The following TCF4 variants were observed in gnomAD, a reference collection of about 807,000 sequenced individuals.
TCF4 encodes SL3-3 enhancer factor 2.
Under a neutral mutation model 82.1 loss-of-function variants are expected in TCF4, and 3 were observed. That is an observed-to-expected ratio of 0.04 (90% CI 0.02 to 0.09). The LOEUF is 0.09. Among genes scored for constraint, TCF4 ranks in the 10% least tolerant of loss-of-function variants. The probability of loss-of-function intolerance (pLI) is 1.00; values close to 1 mark genes in which losing one functional copy is unlikely to be tolerated. For synonymous variants in TCF4, 276 were observed against 309.6 expected, an observed-to-expected ratio of 0.89 and a Z score of 1.14; for missense variants, 518 against 852.7, an observed-to-expected ratio of 0.61 and a Z score of 4.89.
At chr18:55,414,666 G>T (rs1295505195) in intron 5 of TCF4, among the ~76,000 whole-genome samples, 1 of 152,100 alleles carries the variant, frequency 6.6e-6, no homozygotes, top group Non-Finnish European at 1.5e-5. Flanking sequence ...ACCCAAGGAT[G>T]CTCTCCACCC....
At chr18:55,479,979 C>T (rs1370932998) in intron 3 of TCF4, among the ~76,000 whole-genome samples, 1 of 152,118 alleles carries the variant, frequency 6.6e-6, no homozygotes, top group Non-Finnish European at 1.5e-5. Context: ...GACTTGTTTT[C>T]CCCTCTTAGC....
chr18:55,232,059 C>T (rs960474101), intron 17 of TCF4: 2 of 171,086 alleles, frequency 1.2e-5, no homozygotes, highest in Admixed American at 1.1e-4. Context: ...AGGTATTACT[C>T]TTATATACAT....
chr18:55,601,784 TAAAAA>T (rs2097697310), intron 2 of TCF4, among the ~76,000 whole-genome samples: 1 of 152,002 alleles, frequency 6.6e-6, no homozygotes, highest in East Asian at 1.9e-4. Flanking sequence ...GACTCTGTCT[TAAAAA>T]AGAAAAAAAG....
At chr18:55,597,316 A>G (rs2097692027) in intron 2 of TCF4, among the ~76,000 whole-genome samples, 1 of 152,318 alleles carries the variant, frequency 6.6e-6, no homozygotes, top group East Asian at 1.9e-4. Context: ...AGAGGAGAAA[A>G]GAAAGCTAAT....
chr18:55,418,843 C>A (rs760182187), intron 5 of TCF4, among the ~76,000 whole-genome samples: 1 of 152,094 alleles, frequency 6.6e-6, no homozygotes, highest in Non-Finnish European at 1.5e-5. Context: ...AGAAAAGTAG[C>A]CAAATTCTTT....
intron 2 of TCF4, among the ~76,000 whole-genome samples, chr18:55,623,570 T>G (rs1310103094): frequency 1.3e-5 from 2 of 152,216 alleles, no homozygotes; most frequent in African/African-American, 4.8e-5. Context: ...CTGTTTAATC[T>G]TAGACAGTCT....
At chr18:55,325,350 T>C (rs73490815) in intron 8 of TCF4, among the ~76,000 whole-genome samples, 1 of 152,158 alleles carries the variant, frequency 6.6e-6, no homozygotes, top group Non-Finnish European at 1.5e-5. Flanking sequence ...CGCACATACA[T>C]TAAACAATTA....
chr18:55,284,439 G>A (rs921831994), intron 8 of TCF4: 1 of 151,944 alleles, frequency 6.6e-6, no homozygotes, highest in African/African-American at 2.4e-5. Context: ...AAGAAAAAAA[G>A]ATAATGTCAT....
intron 3 of TCF4, among the ~76,000 whole-genome samples, chr18:55,563,206 TC>T (rs2147355007): frequency 7.9e-6 from 1 of 126,866 alleles, no homozygotes; most frequent in African/African-American, 3.1e-5. Flanking sequence ...ACCACTGCAC[TC>T]CATCCCAGGC....
intron 8 of TCF4, among the ~76,000 whole-genome samples, chr18:55,296,790 T>C (rs770843389): frequency 1.3e-5 from 2 of 152,096 alleles, no homozygotes; most frequent in Non-Finnish European, 2.9e-5. Context: ...ATTTTTGAGC[T>C]CCTAATTGAA....
chr18:55,561,799 CTCAT>C (rs1227627282), intron 3 of TCF4, among the ~76,000 whole-genome samples: 3 of 152,116 alleles, frequency 2.0e-5, no homozygotes, highest in African/African-American at 7.2e-5. Context: ...GAAAACTGTC[CTCAT>C]TCATTGTTTA....
chr18:55,234,285 TTTCCTCTCATCA>T, intron 16 of TCF4: 1 of 576,492 alleles, frequency 1.7e-6, no homozygotes, highest in East Asian at 2.8e-5. Flanking sequence ...TAAAATAAAA[TTTCCTCTCATCA>T]GTCTGTGGCC....
intron 6 of TCF4, among the ~76,000 whole-genome samples, chr18:55,373,375 C>T (rs73492930): frequency 0.03 from 4,571 of 152,152 alleles, 90 homozygotes; most frequent in Non-Finnish European, 0.036. Context: ...ATTTATGATA[C>T]AGCTTTGAGA....
At position 55,574,347 on chromosome 18, in the gene TCF4, CAG is replaced by C. The variant is rs1453823010; in HGVS notation, c.145+10931_145+10932del. Among the ~76,000 whole-genome samples, 6 of 151,866 alleles carry C rather than the reference CAG, an allele frequency of 4.0e-5. No homozygotes were observed. In the South Asian group the frequency reaches 1.0e-3, roughly 26 times the overall value. The stretch of plus-strand genomic sequence containing the variant: ...ATTTTATTTTATTTTATTTTTGAGA[CAG>C]AGTCTTGCTCTGTCGCCAATACTGG... On this transcript the variant is annotated intron_variant, in intron 3 of 19. Transcript: ENST00000354452.
intron 5 of TCF4, among the ~76,000 whole-genome samples, chr18:55,452,951 A>G (rs955445140): frequency 6.6e-6 from 1 of 152,188 alleles, no homozygotes; most frequent in African/African-American, 2.4e-5. Context: ...TTATTACATG[A>G]AAGTTAAGGC....
chr18:55,359,728 C>T (rs564455158), intron 6 of TCF4, among the ~76,000 whole-genome samples: 1 of 152,208 alleles, frequency 6.6e-6, no homozygotes, highest in Admixed American at 6.5e-5. Context: ...ATGCTTCATA[C>T]AAAACATAAA....
intron 8 of TCF4, among the ~76,000 whole-genome samples, chr18:55,286,600 G>A (rs2063745288): frequency 6.6e-6 from 1 of 152,184 alleles, no homozygotes; most frequent in Admixed American, 6.5e-5. Flanking sequence ...AATGGAAGAA[G>A]TAGAGTTGTG....
intron 8 of TCF4, among the ~76,000 whole-genome samples, chr18:55,344,101 C>T (rs553978646): frequency 1.3e-5 from 2 of 152,134 alleles, no homozygotes; most frequent in Non-Finnish European, 2.9e-5. Context: ...AGGATTACTG[C>T]CACATCTTCT....
chr18:55,296,159 G>A (rs2066451776), intron 8 of TCF4, among the ~76,000 whole-genome samples: 1 of 151,024 alleles, frequency 6.6e-6, no homozygotes, highest in Non-Finnish European at 1.5e-5. Context: ...TAGGAAAGAT[G>A]AAATCTACTG....
Sources: gnomAD v4.1 joint callset for allele counts (sites outside exome capture counted in the v4.1 genomes callset) on GRCh38, gnomAD v4.1.1 for gene constraint, MANE v1.5 for transcripts, NCBI Gene and HGNC (gene_info 2026-07-23, HGNC 2026-07-21) for gene names.